Variants in KCNK9 observed in about 807,000 individuals in gnomAD.
The protein encoded by KCNK9 is potassium channel subfamily K member 9.
A neutral mutation model predicts 10.8 loss-of-function variants in KCNK9; 1 was observed. That is an observed-to-expected ratio of 0.09 (90% CI 0.03 to 0.44). KCNK9 has a LOEUF of 0.44. KCNK9 is among the 20% of genes least tolerant of loss of function. KCNK9 has a pLI of 0.97. For missense variants in KCNK9, 303 were observed against 515.0 expected, an observed-to-expected ratio of 0.59 and a Z score of 3.98; for synonymous variants, 231 against 222.7, an observed-to-expected ratio of 1.04 and a Z score of -0.33.
At chr8:139,605,806 G>C (rs992045824) in intron 2 of KCNK9, among the ~76,000 whole-genome samples, 2 of 152,186 alleles carry the variant, frequency 1.3e-5, no homozygotes, top group Non-Finnish European at 2.9e-5. Flanking sequence ...TTCTACATGG[G>C]CTGGATGTCT....
chr8:139,659,676 T>TA (rs1220374219), intron 1 of KCNK9, among the ~76,000 whole-genome samples: 1 of 120,682 alleles, frequency 8.3e-6, no homozygotes, highest in East Asian at 3.5e-4. Flanking sequence ...CATGCCCAGC[T>TA]AATTTTTTTT....
Position 139,663,745 on chromosome 8 carries a change from G to A in KCNK9, c.283+38965C>T, listed in dbSNP as rs577112096. Among the ~76,000 whole-genome samples the A allele has an allele frequency of 2.0e-5, 3 of 151,112 alleles. No homozygotes were observed. In the South Asian group the frequency reaches 6.4e-4, roughly 32 times the overall value. ...CCAATTCCAGCCTTAACTCAGTGTC[G>A]CTGCAACCGCCTGAGAGACCTCGAG... On this transcript the variant is annotated intron_variant, in intron 1 of 1. Coordinates refer to ENST00000520439, the MANE Select transcript of KCNK9 (RefSeq NM_001282534.2).
intron 1 of KCNK9, among the ~76,000 whole-genome samples, chr8:139,631,991 C>T (rs1296652303): frequency 6.6e-6 from 1 of 152,174 alleles, no homozygotes; most frequent in African/African-American, 2.4e-5. Context: ...TGCCGAGTTA[C>T]TGGGAGCTGT....
intron 1 of KCNK9, among the ~76,000 whole-genome samples, chr8:139,696,743 GTGGATGGATGGATGGA>G (rs540183564): frequency 1.4e-5 from 2 of 147,998 alleles, no homozygotes; most frequent in South Asian, 4.3e-4. Context: ...AGATGAGTGG[GTGGATGGATGGATGGA>G]TGGATGGATG....
At chr8:139,654,662 C>G (rs1563737286) in intron 1 of KCNK9, among the ~76,000 whole-genome samples, 1 of 152,242 alleles carries the variant, frequency 6.6e-6, no homozygotes, top group Non-Finnish European at 1.5e-5. Context: ...GTTCCCTGTG[C>G]TAATCCTTCC....
rs957722866 is a variant in KCNK9 at position 139,702,628 on chromosome 8, A to T, written c.283+82T>A. 5.6e-6 allele frequency: 8 copies of T among 1,439,270 alleles called. No individual in the cohort carries two copies. In the African/African-American group the frequency reaches 1.1e-4, roughly 20 times the overall value. 89.2% of individuals were successfully genotyped at this position (1,439,270 alleles called of 1,614,324 possible). A position where few individuals can be genotyped will look rare whatever the true frequency, so the allele number is the denominator to read the frequency against. Reference sequence around the variant, plus strand: ...CTGCGTTTAACCCTCGACGCCCTGCACCCAGCCCGGCGCGGCGCGCTCAGC... The same window carrying T: ...CTGCGTTTAACCCTCGACGCCCTGCTCCCAGCCCGGCGCGGCGCGCTCAGC... On this transcript the variant is annotated intron_variant, in intron 1 of 1. Coordinates refer to ENST00000520439, the MANE Select transcript of KCNK9 (RefSeq NM_001282534.2). The surrounding 1 kb of genome is among the most constrained non-coding windows in gnomAD (Gnocchi z 7.5).
At chr8:139,625,786 G>T (rs1814953127) in intron 1 of KCNK9, among the ~76,000 whole-genome samples, 2 of 151,698 alleles carry the variant, frequency 1.3e-5, no homozygotes, top group Non-Finnish European at 2.9e-5. Context: ...CAGAGGACAA[G>T]GAAAATAAAA....
chr8:139,681,207 A>T (rs1023742711), intron 1 of KCNK9, among the ~76,000 whole-genome samples: 2 of 152,210 alleles, frequency 1.3e-5, no homozygotes, highest in Admixed American at 1.3e-4. Context: ...CCCATTTTAC[A>T]TATGGAAACA....
In KCNK9 at chr8:139,702,911, C is replaced by G. The variant is rs368957395; in HGVS notation, c.82G>C (p.Ala28Pro). 1 of 1,613,492 alleles carries G rather than the reference C, an allele frequency of 6.2e-7. No individual in the cohort carries two copies. The highest frequency in any genetic ancestry group is 8.5e-7 in the Non-Finnish European group (1 of 1,179,860). ...CGCATCTCGTGGTCCGACTCGAGGG[C>G]GTCGAACACGGCGGCGCCCACCAGC... is the stretch of plus-strand genomic sequence containing the variant. ...YLLVGAAVFD[A>P]LESDHEMREE... Residue 28 changes from alanine to proline, a missense_variant, in exon 1 of 2, where the codon GCC becomes CCC. By Grantham distance (27) the Ala-to-Pro change is conservative. Coordinates refer to ENST00000520439, the MANE Select transcript of KCNK9 (RefSeq NM_001282534.2). This position sits in a 1 kb window ranked among gnomAD's most constrained non-coding sequence, Gnocchi z 7.5.
chr8:139,637,528 C>A (rs941718003), intron 1 of KCNK9, among the ~76,000 whole-genome samples: 1 of 152,024 alleles, frequency 6.6e-6, no homozygotes, highest in African/African-American at 2.4e-5. Flanking sequence ...GTGCAATCAG[C>A]CAGAGACAGA....
chr8:139,650,891 G>A (rs1444345998), intron 1 of KCNK9, among the ~76,000 whole-genome samples: 1 of 152,206 alleles, frequency 6.6e-6, no homozygotes, highest in Non-Finnish European at 1.5e-5. Context: ...GACACCCCCG[G>A]AAGTGATGTT....
chr8:139,648,735 C>G (rs980792548), intron 1 of KCNK9, among the ~76,000 whole-genome samples: 6 of 152,226 alleles, frequency 3.9e-5, no homozygotes, highest in Non-Finnish European at 8.8e-5. Context: ...TCAAAGAGCC[C>G]ACCACCAGGC....
rs183516887 is a variant in KCNK9 at position 139,633,532 on chromosome 8, G to A, written c.284-14433C>T. On this transcript the variant is annotated intron_variant, in intron 1 of 1. Coordinates refer to ENST00000520439, the MANE Select transcript of KCNK9 (RefSeq NM_001282534.2). Reference sequence around the variant, plus strand: ...ACAACTACGGTGCTGACCTCCTTCCGAAAATGCTGCAGGCACGCATGCACA... The same window carrying A: ...ACAACTACGGTGCTGACCTCCTTCCAAAAATGCTGCAGGCACGCATGCACA... Among the ~76,000 whole-genome samples the A allele has an allele frequency of 2.9e-3, 446 of 152,232 alleles. 4 individuals are homozygous for A. Among genetic ancestry groups the A allele is most frequent in the African/African-American group, 0.01 (426 of 41,542 alleles).
chr8:139,603,991 G>A (rs1817429951), intron 2 of KCNK9, among the ~76,000 whole-genome samples: 1 of 152,218 alleles, frequency 6.6e-6, no homozygotes, highest in South Asian at 2.1e-4. Flanking sequence ...CGGTCCCACA[G>A]CCTCCCTGAG....
chr8:139,628,413 G>A (rs1360054025), intron 1 of KCNK9, among the ~76,000 whole-genome samples: 2 of 152,178 alleles, frequency 1.3e-5, no homozygotes, highest in Non-Finnish European at 2.9e-5. Flanking sequence ...GTAATCTAAG[G>A]CCCCTTCCCA....
rs148668531 is a variant in KCNK9 at position 139,664,612 on chromosome 8, G to A, written c.283+38098C>T. On this transcript the variant is annotated intron_variant, in intron 1 of 1. Coordinates refer to ENST00000520439, the MANE Select transcript of KCNK9 (RefSeq NM_001282534.2). ...CAGAAACTGCCGTCACCTTTGTCAG[G>A]TGCCAACCACAGACAGGGCACAGAC... Among the ~76,000 whole-genome samples, 422 of 152,242 alleles carry A rather than the reference G, an allele frequency of 2.8e-3. 3 individuals are homozygous for A. The highest frequency in any genetic ancestry group is 9.6e-3 in the African/African-American group (399 of 41,534).
chr8:139,689,992 C>T (rs1235923740), intron 1 of KCNK9, among the ~76,000 whole-genome samples: 2 of 152,158 alleles, frequency 1.3e-5, no homozygotes, highest in Non-Finnish European at 2.9e-5. Context: ...GCAGAGCTTC[C>T]CCCATCAGCC....
chr8:139,664,703 G>A (rs754872493), intron 1 of KCNK9, among the ~76,000 whole-genome samples: 8 of 152,176 alleles, frequency 5.3e-5, no homozygotes, highest in East Asian at 1.9e-4. Flanking sequence ...GCTGGGAGCC[G>A]TAAGGCGTGT....
intron 1 of KCNK9, among the ~76,000 whole-genome samples, chr8:139,687,531 T>TTC (rs1816832301): frequency 4.4e-5 from 6 of 135,138 alleles, no homozygotes; most frequent in African/African-American, 1.7e-4. Flanking sequence ...TATTCATATA[T>TTC]ATGTATACAC....
Sources: gnomAD v4.1 joint callset for allele counts (sites outside exome capture counted in the v4.1 genomes callset) on GRCh38, gnomAD v4.1.1 for gene constraint, Gnocchi (gnomAD v3.1) non-coding constraint, MANE v1.5 for transcripts, NCBI Gene and HGNC (gene_info 2026-07-23, HGNC 2026-07-21) for gene names.